The following GSE1 variants were observed in gnomAD, a reference collection of about 807,000 sequenced individuals.
GSE1 encodes genetic suppressor element 1.
A neutral mutation model predicts 112.6 loss-of-function variants in GSE1; 32 were observed. The observed-to-expected ratio is 0.28, with a 90% CI of 0.21 to 0.38. The LOEUF is 0.38. Ranked by LOEUF, GSE1 falls within the 10% of genes least tolerant of loss-of-function variation. The pLI, the probability that GSE1 is intolerant of heterozygous loss-of-function variation, is 1.00. For synonymous variants in GSE1, 1,115 were observed against 735.6 expected (o/e 1.52, Z -8.35); for missense variants, 2,348 against 1,699.2 (o/e 1.38, Z -6.71).
chr16:85,603,026 A>T (rs557367710), intron 1 of GSE1, among the ~76,000 whole-genome samples: 1 of 152,358 alleles, frequency 6.6e-6, no homozygotes, highest in South Asian at 2.1e-4. Context: ...GCCGCTTTCC[A>T]GCCGAGTGGC....
At chr16:85,350,924 C>T (rs781067097) in intron 1 of GSE1, among the ~76,000 whole-genome samples, 8 of 152,186 alleles carry the variant, frequency 5.3e-5, no homozygotes, top group South Asian at 2.1e-4. Context: ...GGATTACAGG[C>T]GCCCACTACC....
intron 1 of GSE1, among the ~76,000 whole-genome samples, chr16:85,224,157 C>G (rs543849152): frequency 1.3e-5 from 2 of 151,876 alleles, no homozygotes; most frequent in South Asian, 4.2e-4. Context: ...TGGGAGAGGC[C>G]CTGTCCCACG....
intron 1 of GSE1, among the ~76,000 whole-genome samples, chr16:85,260,737 G>A (rs944026031): frequency 1.3e-5 from 2 of 152,248 alleles, no homozygotes; most frequent in African/African-American, 2.4e-5. Flanking sequence ...GGGAGCTGCT[G>A]TTCCCCTGCC....
intron 2 of GSE1, among the ~76,000 whole-genome samples, chr16:85,511,421 G>A (rs1197518578): frequency 1.3e-5 from 2 of 152,010 alleles, no homozygotes; most frequent in Non-Finnish European, 2.9e-5. Flanking sequence ...CCAGCTACTC[G>A]GGAGGCTGAG....
intron 1 of GSE1, chr16:85,279,080 G>T (rs953760370): frequency 6.6e-6 from 1 of 152,268 alleles, no homozygotes; most frequent in Non-Finnish European, 1.5e-5. Context: ...CTCAACACCA[G>T]TGTCCTTCCC....
chr16:85,497,929 A>T lies in GSE1; in HGVS notation c.2465-135985A>T, dbSNP rs928040019. 1.0e-3 allele frequency among the ~76,000 whole-genome samples: 157 copies of T among 152,094 alleles called. 1 individual carries two copies. Among genetic ancestry groups the T allele is most frequent in the African/African-American group, 3.7e-3 (153 of 41,442 alleles). Reference sequence around the variant, plus strand: ...ACAGATGGGAAACCAAAGCCTGGGGAGCTGACATCGCTTTTACCAGAAGTC... The same window carrying T: ...ACAGATGGGAAACCAAAGCCTGGGGTGCTGACATCGCTTTTACCAGAAGTC... On this transcript the variant is annotated intron_variant, in intron 2 of 2. Coordinates refer to the GSE1 transcript ENST00000637419.
At chr16:85,464,249 T>C (rs1054616214) in intron 2 of GSE1, among the ~76,000 whole-genome samples, 7 of 151,890 alleles carry the variant, frequency 4.6e-5, no homozygotes, top group African/African-American at 1.7e-4. Context: ...GAACGGTTGA[T>C]GATTATAGTC....
At chr16:85,388,569 T>C (rs1367696642) in intron 2 of GSE1, among the ~76,000 whole-genome samples, 51 of 150,062 alleles carry the variant, frequency 3.4e-4, no homozygotes, top group African/African-American at 9.9e-4. Flanking sequence ...AGTGGGTAGA[T>C]GGGTGAGTGG....
Position 85,373,768 on chromosome 16 carries a change from G to T in GSE1, c.2464+16125G>T, listed in dbSNP as rs996213686. On this transcript the variant is annotated intron_variant, in intron 2 of 2. Transcript: ENST00000637419. The surrounding 1 kb of genome is among the most constrained non-coding windows in gnomAD (Gnocchi z 5.1). ...AGCGCTGGCCGCCTTCTCCCGGCAGGCCTGGGGACCCTGGATCCCCGAGGC... is the reference window on the plus strand; with the variant it reads ...AGCGCTGGCCGCCTTCTCCCGGCAGTCCTGGGGACCCTGGATCCCCGAGGC... 6.6e-6 allele frequency among the ~76,000 whole-genome samples: 1 copy of T among 152,138 alleles called. No homozygotes were observed. Among genetic ancestry groups the T allele is most frequent in the Non-Finnish European group, 1.5e-5 (1 of 68,022 alleles).
intron 1 of GSE1, among the ~76,000 whole-genome samples, chr16:85,278,639 CTT>C (rs1397927792): frequency 2.6e-5 from 4 of 152,200 alleles, no homozygotes; most frequent in African/African-American, 9.7e-5. Flanking sequence ...AAGTAAGTGT[CTT>C]GAATTATCAG....
intron 2 of GSE1, among the ~76,000 whole-genome samples, chr16:85,529,713 CTAGGGGAGGGTAGGT>C (rs1240926284): frequency 1.5e-4 from 23 of 152,200 alleles, no homozygotes; most frequent in African/African-American, 5.5e-4. Context: ...TGGGGGTAGG[CTAGGGGAGGGTAGGT>C]GGAGACGGAA....
At chr16:85,256,791 C>T (rs1172224907) in intron 1 of GSE1, among the ~76,000 whole-genome samples, 1 of 152,252 alleles carries the variant, frequency 6.6e-6, no homozygotes, top group Non-Finnish European at 1.5e-5. Flanking sequence ...AAATGATAAA[C>T]GTTTTACTCT....
intron 1 of GSE1, among the ~76,000 whole-genome samples, chr16:85,615,508 G>A (rs1221639275): frequency 6.6e-6 from 1 of 151,800 alleles, no homozygotes; most frequent in South Asian, 2.1e-4. Flanking sequence ...TTTGACGCTT[G>A]GAGTTTTCTT....
intron 1 of GSE1, among the ~76,000 whole-genome samples, chr16:85,248,409 T>G (rs1906099896): frequency 6.6e-6 from 1 of 152,148 alleles, no homozygotes; most frequent in Non-Finnish European, 1.5e-5. Flanking sequence ...TTCTGTTTCC[T>G]CTGTCTCTTT....
intron 1 of GSE1, among the ~76,000 whole-genome samples, chr16:85,319,120 C>T (rs972622776): frequency 6.6e-6 from 1 of 152,198 alleles, no homozygotes; most frequent in East Asian, 1.9e-4. Context: ...ATCGCTCACC[C>T]CCTCCCTTCT....
At chr16:85,274,101 G>A (rs1279100521) in intron 1 of GSE1, among the ~76,000 whole-genome samples, 2 of 151,578 alleles carry the variant, frequency 1.3e-5, no homozygotes, top group South Asian at 2.1e-4. Context: ...ATGGGCAATT[G>A]TAGGCTGGGC....
intron 2 of GSE1, among the ~76,000 whole-genome samples, chr16:85,646,332 G>T (rs1007720929): frequency 6.6e-6 from 1 of 152,270 alleles, no homozygotes; most frequent in Non-Finnish European, 1.5e-5. Flanking sequence ...GTGCCCAATT[G>T]TACCACACCT....
chr16:85,505,331 G>T (rs543265978), intron 2 of GSE1, among the ~76,000 whole-genome samples: 11 of 152,184 alleles, frequency 7.2e-5, no homozygotes, highest in Non-Finnish European at 1.6e-4. Flanking sequence ...TCCCATGCAC[G>T]TGGGAGTCCC....
chr16:85,382,447 T>G (rs1428832698), intron 2 of GSE1, among the ~76,000 whole-genome samples: 1 of 152,198 alleles, frequency 6.6e-6, no homozygotes, highest in Admixed American at 6.5e-5. Context: ...CCCTGCAATG[T>G]GCAGAATTGG....
Sources: allele counts gnomAD v4.1 joint callset (sites outside exome capture counted in the v4.1 genomes callset), GRCh38; gene constraint gnomAD v4.1.1; non-coding constraint Gnocchi (gnomAD v3.1); transcripts MANE v1.5; gene names NCBI Gene and HGNC (gene_info 2026-07-23, HGNC 2026-07-21).